The following FER variants were observed in gnomAD, a reference collection of about 807,000 sequenced individuals.
FER encodes the protein tyrosine-protein kinase Fer.
FER carries 63 observed loss-of-function variants against 111.0 expected under a neutral mutation model. The ratio of observed to expected loss-of-function variants is 0.57; its 90% CI spans 0.46 to 0.70. The LOEUF (loss-of-function observed/expected upper bound fraction) is 0.70, where lower values mean the gene tolerates loss of function less well. Among genes scored for constraint, FER ranks in the 30% least tolerant of loss-of-function variants. FER has a pLI of 0.00. For missense variants in FER, 914 were observed against 954.0 expected, an observed-to-expected ratio of 0.96 and a Z score of 0.55; for synonymous variants, 327 against 313.9, an observed-to-expected ratio of 1.04 and a Z score of -0.44.
intron 17 of FER, among the ~76,000 whole-genome samples, chr5:109,147,304 G>A (rs749398253): frequency 9.9e-5 from 15 of 151,958 alleles, no homozygotes; most frequent in Admixed American, 5.9e-4. Flanking sequence ...AAGGATATGG[G>A]AAAACAGACA....
chr5:109,038,117 A>G lies in FER; in HGVS notation c.1713+639A>G, dbSNP rs1261738312. 3.3e-5 allele frequency among the ~76,000 whole-genome samples: 5 copies of G among 152,000 alleles called. No homozygotes were observed. In the South Asian group the frequency reaches 6.2e-4, roughly 19 times the overall value. On this transcript the variant is annotated intron_variant, in intron 14 of 19. Transcript: ENST00000281092. ...GTAGTCAAGTATATGTTATTTAACA[A>G]TAATGGCAGATACTTGAGAATTAAC...
At chr5:108,831,327 G>A (rs1416172089) in intron 3 of FER, among the ~76,000 whole-genome samples, 1 of 151,734 alleles carries the variant, frequency 6.6e-6, no homozygotes, top group African/African-American at 2.4e-5. Context: ...TGCATAGTTT[G>A]AAGTGAAAAT....
intron 17 of FER, among the ~76,000 whole-genome samples, chr5:109,124,377 T>G: frequency 6.6e-6 from 1 of 152,246 alleles, no homozygotes; most frequent in East Asian, 1.9e-4. Flanking sequence ...GTGCTTAGAC[T>G]GTTGGTTCTT....
rs773021081 is a variant in FER at position 108,867,909 on chromosome 5, G to T, written c.624G>T (p.Leu208=). 6.2e-7 allele frequency: 1 copy of T among 1,611,820 alleles called. No homozygotes were observed. Among genetic ancestry groups the T allele is most frequent in the Non-Finnish European group, 8.5e-7 (1 of 1,179,152 alleles). The change falls in exon 6 of 20, where the codon CTG becomes CTT. Residue 208 remains leucine (L), a synonymous_variant. Transcript: ENST00000281092. ...QYYDITLPLL[L]DSLQKMQEEM... is the part of the protein sequence containing the mutation. ...ATGATATCACACTTCCCCTGCTTCT[G>T]GACTCCTTACAAAAGATGCAAGAAG...
intron 13 of FER, among the ~76,000 whole-genome samples, chr5:109,009,194 C>A (rs1321596115): frequency 6.6e-6 from 1 of 151,624 alleles, no homozygotes; most frequent in South Asian, 2.1e-4. Context: ...CACCACCATG[C>A]CTGGCTAATT....
chr5:108,871,372 A>G lies in FER; in HGVS notation c.673A>G (p.Ile225Val), dbSNP rs915690711. The stretch of plus-strand genomic sequence containing the variant: ...TTTTATTTTTGTTTTCAGCAAAGGT[A>G]TATTTGATGAATACAGCCAGATAAC... ...QEEMIKALKG[I>V]FDEYSQITSL... Residue 225 changes from isoleucine to valine, a missense_variant, in exon 7 of 20, where the codon ATA (isoleucine) becomes GTA (valine). Ile to Val is a conservative substitution (Grantham distance 29). This residue lies in a region of FER where 774 missense variants were observed against 782.6 expected (regional missense o/e 0.99). Coordinates refer to ENST00000281092, the MANE Select transcript of FER (RefSeq NM_005246.4). 2 of 1,608,446 alleles carry G rather than the reference A, an allele frequency of 1.2e-6. No individual in the cohort carries two copies. Among genetic ancestry groups the G allele is most frequent in the Admixed American group, 1.7e-5 (1 of 58,872 alleles).
chr5:109,109,294 C>T (rs1749315055), intron 17 of FER, among the ~76,000 whole-genome samples: 1 of 152,082 alleles, frequency 6.6e-6, no homozygotes, highest in East Asian at 1.9e-4. Flanking sequence ...TAAACATACA[C>T]ATGTATGTGC....
chr5:108,918,280 G>A (rs1205519511), intron 10 of FER, among the ~76,000 whole-genome samples: 1 of 152,124 alleles, frequency 6.6e-6, no homozygotes, highest in African/African-American at 2.4e-5. Flanking sequence ...CTTAGTGGCG[G>A]TGCCCTTGAC....
intron 17 of FER, among the ~76,000 whole-genome samples, chr5:109,109,843 G>A (rs1749388050): frequency 6.6e-6 from 1 of 152,114 alleles, no homozygotes; most frequent in Non-Finnish European, 1.5e-5. Context: ...AAAAAGGGTA[G>A]GGCCTTGTTG....
chr5:109,149,850 C>T (rs1484677936), intron 17 of FER, among the ~76,000 whole-genome samples: 2 of 152,126 alleles, frequency 1.3e-5, no homozygotes, highest in African/African-American at 4.8e-5. Flanking sequence ...TAAACCAGTA[C>T]GGGTTCCTCG....
At chr5:109,127,640 C>T (rs1751884071) in intron 17 of FER, among the ~76,000 whole-genome samples, 1 of 152,060 alleles carries the variant, frequency 6.6e-6, no homozygotes, top group South Asian at 2.1e-4. Context: ...CTCCTGAGCT[C>T]ATGATCCACC....
intron 13 of FER, among the ~76,000 whole-genome samples, chr5:108,961,335 C>T (rs541170030): frequency 7.9e-5 from 12 of 152,058 alleles, no homozygotes; most frequent in African/African-American, 1.2e-4. Flanking sequence ...GAAATAACAA[C>T]GCAGGTATGA....
intron 13 of FER, among the ~76,000 whole-genome samples, chr5:108,972,717 C>T (rs1760829284): frequency 6.6e-6 from 1 of 151,896 alleles, no homozygotes; most frequent in South Asian, 2.1e-4. Flanking sequence ...TAAGAAGTGC[C>T]CAATATAACA....
chr5:108,952,555 G>A (rs1388977365), intron 11 of FER, among the ~76,000 whole-genome samples: 1 of 138,490 alleles, frequency 7.2e-6, no homozygotes, highest in Non-Finnish European at 1.7e-5. Flanking sequence ...TAGGGGATGG[G>A]GAATAACAGA....
chr5:108,790,708 T>G (rs1431855152), intron 2 of FER, among the ~76,000 whole-genome samples: 1 of 152,178 alleles, frequency 6.6e-6, no homozygotes, highest in African/African-American at 2.4e-5. Context: ...GTACAATTTG[T>G]TTTTAGTACA....
chr5:109,053,078 C>T (rs868296713), intron 16 of FER, among the ~76,000 whole-genome samples: 64 of 152,196 alleles, frequency 4.2e-4, no homozygotes, highest in African/African-American at 1.4e-3. Flanking sequence ...TTATTAATGT[C>T]ACAAGTCTCA....
chr5:109,159,968 T>A (rs1000815975), intron 17 of FER, among the ~76,000 whole-genome samples: 3 of 152,014 alleles, frequency 2.0e-5, no homozygotes, highest in African/African-American at 7.2e-5. Context: ...AGAGAAAGAC[T>A]ACATTTGGTG....
At chr5:109,129,398 G>T (rs1243521811) in intron 17 of FER, among the ~76,000 whole-genome samples, 2 of 151,766 alleles carry the variant, frequency 1.3e-5, no homozygotes, top group African/African-American at 4.8e-5. Context: ...CCTTTAACTT[G>T]TTCTGAATCC....
intron 17 of FER, among the ~76,000 whole-genome samples, chr5:109,166,105 A>G (rs943726476): frequency 6.7e-6 from 1 of 149,372 alleles, no homozygotes; most frequent in Non-Finnish European, 1.5e-5. Context: ...ATTGGGACCA[A>G]CCCCTCATCC....
Sources: gnomAD v4.1 joint callset for allele counts (sites outside exome capture counted in the v4.1 genomes callset) on GRCh38, gnomAD v4.1.1 for gene constraint, gnomAD v4.1.1 regional missense constraint, MANE v1.5 for transcripts, NCBI Gene and HGNC (gene_info 2026-07-23, HGNC 2026-07-21) for gene names.